The following EFCAB8 variants were observed in gnomAD, a reference collection of about 807,000 sequenced individuals.
EFCAB8 encodes EF-hand calcium binding domain 8, also known as EF-hand calcium-binding domain-containing protein 8.
In EFCAB8, 100 loss-of-function variants were observed where a neutral mutation model predicts 116.3. That is an observed-to-expected ratio of 0.86 (90% CI 0.73 to 1.02). The LOEUF is 1.02. Among genes scored for constraint, EFCAB8 ranks in the 50% least tolerant of loss-of-function variants. The pLI, the probability that EFCAB8 is intolerant of heterozygous loss-of-function variation, is 0.00. For missense variants in EFCAB8, 1,320 were observed against 1,416.9 expected, an observed-to-expected ratio of 0.93 and a Z score of 1.10; for synonymous variants, 558 against 567.9, an observed-to-expected ratio of 0.98 and a Z score of 0.25.
intron 22 of EFCAB8, among the ~76,000 whole-genome samples, chr20:32,941,585 A>C (rs1454684974): frequency 6.6e-6 from 1 of 152,220 alleles, no homozygotes; most frequent in Non-Finnish European, 1.5e-5. Flanking sequence ...AACCTTGAAA[A>C]TACTGTGCTA....
At position 32,885,501 on chromosome 20, in the gene EFCAB8, A is replaced by G. The variant is rs1985577286; in HGVS notation, c.432-4A>G. On this transcript the variant is annotated splice_region_variant and splice_polypyrimidine_tract_variant and intron_variant, in intron 5 of 26. Coordinates refer to ENST00000400522, the MANE Select transcript of EFCAB8 (RefSeq NM_001143967.2). ...GCTCTTCTCTCTTTCATCGCCTCCC[A>G]CAGGAACCATGGCTGTGAGGTGGTG... The G allele has an allele frequency of 1.9e-6, 3 of 1,551,268 alleles. No homozygotes were observed. Among genetic ancestry groups the G allele is most frequent in the South Asian group, 2.4e-5 (2 of 84,040 alleles).
At chr20:32,926,415 G>C (rs1356742555) in intron 20 of EFCAB8, among the ~76,000 whole-genome samples, 1 of 134,882 alleles carries the variant, frequency 7.4e-6, no homozygotes. Context: ...TGAAACTATT[G>C]TTTATTTAGC....
chr20:32,948,172 A>G (rs959276477), intron 23 of EFCAB8, among the ~76,000 whole-genome samples: 10 of 152,158 alleles, frequency 6.6e-5, no homozygotes, highest in Admixed American at 5.2e-4. Flanking sequence ...GATTCTACAG[A>G]TATTAAAAGG....
chr20:32,953,795 G>A (rs1600470064), intron 23 of EFCAB8, among the ~76,000 whole-genome samples: 1 of 152,170 alleles, frequency 6.6e-6, no homozygotes. Context: ...TGGGTTGATT[G>A]TTGATTGTGG....
chr20:32,948,572 G>GAAAGAAAGAAAGA (rs1555871358), intron 23 of EFCAB8, among the ~76,000 whole-genome samples: 2 of 139,630 alleles, frequency 1.4e-5, no homozygotes, highest in African/African-American at 5.5e-5. Flanking sequence ...AAGAAAGAAA[G>GAAAGAAAGAAAGA]AAAGAAAGAA....
chr20:32,867,168 C>T (rs181557531), intron 2 of EFCAB8, among the ~76,000 whole-genome samples: 1 of 152,306 alleles, frequency 6.6e-6, no homozygotes, highest in East Asian at 1.9e-4. Context: ...GATCCGCCCT[C>T]CTCGGCCTCC....
At chr20:32,866,859 C>T (rs1568896411) in intron 2 of EFCAB8, among the ~76,000 whole-genome samples, 4 of 138,358 alleles carry the variant, frequency 2.9e-5, no homozygotes, top group African/African-American at 1.1e-4. Flanking sequence ...CTTTCTCTCT[C>T]TCTTTCTTTC....
chr20:32,897,567 C>T (rs947567761), intron 10 of EFCAB8, among the ~76,000 whole-genome samples: 2 of 151,946 alleles, frequency 1.3e-5, no homozygotes, highest in Non-Finnish European at 1.5e-5. Context: ...CTCAGGCCCC[C>T]GAGTAGCTGG....
chr20:32,960,845 G>C (rs571600216), intron 26 of EFCAB8, among the ~76,000 whole-genome samples: 4 of 152,360 alleles, frequency 2.6e-5, no homozygotes, highest in African/African-American at 9.6e-5. Flanking sequence ...CTCACCCAGG[G>C]TCCAGCTCGA....
intron 7 of EFCAB8, among the ~76,000 whole-genome samples, chr20:32,891,364 C>T (rs755045278): frequency 1.4e-4 from 22 of 152,002 alleles, no homozygotes; most frequent in Non-Finnish European, 2.2e-4. Context: ...ATTACAGGTG[C>T]GCGCTACCAC....
chr20:32,912,906 C>A lies in EFCAB8; in HGVS notation c.1856+42C>A, dbSNP rs368308316. 1.1e-5 allele frequency: 8 copies of A among 713,228 alleles called. No homozygotes were observed. The South Asian group carries it at 1.2e-4, about 11-fold the overall frequency. 44.2% of individuals were successfully genotyped at this position (713,228 alleles called of 1,614,324 possible). A position where few individuals can be genotyped will look rare whatever the true frequency, so the allele number is the denominator to read the frequency against. On this transcript the variant is annotated intron_variant, in intron 17 of 26. Transcript: ENST00000400522. ...TATGGTGAGTAGGTTCCAGTAGCTG[C>A]GTGTTCTCTCTCCAGATGGGTTCCT... is the stretch of plus-strand genomic sequence containing the variant.
At chr20:32,879,570 G>T (rs13041458) in intron 5 of EFCAB8, among the ~76,000 whole-genome samples, 63,093 of 151,848 alleles carry the variant, frequency 0.42, 15,265 homozygotes, top group Non-Finnish European at 0.55. Context: ...GGGAGCCTCT[G>T]TAGGAAATGA....
At chr20:32,860,493 C>CGTTTTTTTTT (rs1984052803) in intron 1 of EFCAB8, among the ~76,000 whole-genome samples, 1 of 84,006 alleles carries the variant, frequency 1.2e-5, no homozygotes, top group Non-Finnish European at 2.0e-5. Flanking sequence ...ATGGTGGTAA[C>CGTTTTTTTTT]TTTTTTTTTT....
At chr20:32,889,197 G>A (rs1052144145) in intron 6 of EFCAB8, 104 bp from the exon 7 acceptor site, 3 of 941,504 alleles carry the variant, frequency 3.2e-6, no homozygotes, top group Non-Finnish European at 4.9e-6. Context: ...TCCATGCCAG[G>A]TCTGTGGTGG....
intron 6 of EFCAB8, among the ~76,000 whole-genome samples, chr20:32,888,180 C>T (rs1985731617): frequency 6.6e-6 from 1 of 152,008 alleles, no homozygotes; most frequent in African/African-American, 2.4e-5. Context: ...CTTTCCACCT[C>T]AGCCTCCCAA....
intron 20 of EFCAB8, among the ~76,000 whole-genome samples, chr20:32,926,045 C>A (rs117211746): frequency 6.6e-6 from 1 of 152,222 alleles, no homozygotes; most frequent in Non-Finnish European, 1.5e-5. Flanking sequence ...ATGCTGGCTA[C>A]GCAGTTGACC....
chr20:32,893,346 AT>A, intron 9 of EFCAB8, 48 bp downstream of exon 9: 1 of 1,548,008 alleles, frequency 6.5e-7, no homozygotes, highest in South Asian at 1.2e-5. Context: ...CATGGCCTAG[AT>A]GTGGGTGCTG....
chr20:32,909,405 CAG>C (rs1986816561), intron 14 of EFCAB8, among the ~76,000 whole-genome samples: 1 of 152,184 alleles, frequency 6.6e-6, no homozygotes, highest in Non-Finnish European at 1.5e-5. Flanking sequence ...AGAAGAAAAA[CAG>C]ATAATTTCGG....
intron 6 of EFCAB8, among the ~76,000 whole-genome samples, chr20:32,888,128 A>G (rs924163026): frequency 1.3e-5 from 2 of 151,890 alleles, no homozygotes; most frequent in Non-Finnish European, 2.9e-5. Flanking sequence ...GAGTGGTGCA[A>G]TCACGGCTCA....
Sources: allele counts gnomAD v4.1 joint callset (sites outside exome capture counted in the v4.1 genomes callset), GRCh38; gene constraint gnomAD v4.1.1; transcripts MANE v1.5; gene names NCBI Gene and HGNC (gene_info 2026-07-23, HGNC 2026-07-21).